Variants in KCND2 observed in about 807,000 individuals in gnomAD.
KCND2 encodes potassium voltage-gated channel subfamily D member 2, also known as A-type voltage-gated potassium channel KCND2.
KCND2 carries 16 observed loss-of-function variants against 54.4 expected under a neutral mutation model. That is an observed-to-expected ratio of 0.29 (90% CI 0.20 to 0.45). The LOEUF is 0.45. KCND2 is among the 20% of genes least tolerant of loss of function. KCND2 has a pLI of 1.00. For missense variants in KCND2, 486 were observed against 824.2 expected (o/e 0.59, Z 5.02); for synonymous variants, 317 against 310.7 (o/e 1.02, Z -0.21).
intron 1 of KCND2, among the ~76,000 whole-genome samples, chr7:120,604,632 G>T (rs999817365): frequency 2.0e-5 from 3 of 151,368 alleles, no homozygotes; most frequent in Admixed American, 6.6e-5. Context: ...AGTTAAACTG[G>T]AAACAGGTGC....
At chr7:120,342,693 T>C (rs547460920) in intron 1 of KCND2, among the ~76,000 whole-genome samples, 4 of 152,264 alleles carry the variant, frequency 2.6e-5, no homozygotes, top group African/African-American at 7.2e-5. Context: ...AGCATTATCA[T>C]TGAGTAGAAT....
intron 1 of KCND2, among the ~76,000 whole-genome samples, chr7:120,656,159 G>A (rs1231935299): frequency 6.6e-6 from 1 of 152,114 alleles, no homozygotes; most frequent in Non-Finnish European, 1.5e-5. Context: ...ACTGAAAGAA[G>A]TTTTATACTA....
chr7:120,583,007 C>T (rs1792538555), intron 1 of KCND2, among the ~76,000 whole-genome samples: 1 of 151,030 alleles, frequency 6.6e-6, no homozygotes, highest in Non-Finnish European at 1.5e-5. Context: ...ATCTTGTTTC[C>T]TCAGCTTCCC....
intron 1 of KCND2, among the ~76,000 whole-genome samples, chr7:120,514,489 A>G (rs1803167916): frequency 6.6e-6 from 1 of 152,130 alleles, no homozygotes; most frequent in Non-Finnish European, 1.5e-5. Context: ...GTTTAAACCA[A>G]ATATTATAGT....
At chr7:120,564,176 G>T (rs1277004936) in intron 1 of KCND2, among the ~76,000 whole-genome samples, 2 of 152,116 alleles carry the variant, frequency 1.3e-5, no homozygotes, top group African/African-American at 4.8e-5. Context: ...GAACCCATCA[G>T]TAATAAGGCA....
chr7:120,558,805 G>T (rs946848642), intron 1 of KCND2, among the ~76,000 whole-genome samples: 2 of 151,916 alleles, frequency 1.3e-5, no homozygotes, highest in African/African-American at 2.4e-5. Flanking sequence ...TACTCTCCTT[G>T]TCTGTGTATA....
At chr7:120,379,240 A>T (rs1800881357) in intron 1 of KCND2, among the ~76,000 whole-genome samples, 1 of 152,022 alleles carries the variant, frequency 6.6e-6, no homozygotes, top group African/African-American at 2.4e-5. Flanking sequence ...TATTTTGGTT[A>T]TTGGCATACC....
At chr7:120,720,686 T>A (rs1252153938) in intron 1 of KCND2, among the ~76,000 whole-genome samples, 1 of 152,170 alleles carries the variant, frequency 6.6e-6, no homozygotes, top group Non-Finnish European at 1.5e-5. Context: ...AGTTCCAGCC[T>A]CCATGACACT....
chr7:120,716,123 C>A (rs1342746371), intron 1 of KCND2, among the ~76,000 whole-genome samples: 1 of 152,006 alleles, frequency 6.6e-6, no homozygotes, highest in Non-Finnish European at 1.5e-5. Flanking sequence ...TGTGTCAAAT[C>A]TTCCATAATC....
chr7:120,611,230 G>A lies in KCND2; in HGVS notation c.1116-121673G>A, dbSNP rs529502062. On this transcript the variant is annotated intron_variant, in intron 1 of 5. Transcript: ENST00000331113. ...TTTGCAGATATTGTTTAATTATTAC[G>A]CATTTCATTCGTCAGTGTCTTTTTG... Among the ~76,000 whole-genome samples, 7 of 152,158 alleles carry A rather than the reference G, an allele frequency of 4.6e-5. No homozygotes were observed. In the East Asian group the frequency reaches 5.8e-4, roughly 13 times the overall value.
At chr7:120,419,263 T>C (rs1315927827) in intron 1 of KCND2, among the ~76,000 whole-genome samples, 1 of 152,130 alleles carries the variant, frequency 6.6e-6, no homozygotes, top group Non-Finnish European at 1.5e-5. Context: ...TCCTCCTCCA[T>C]TCCTCAAAGC....
At chr7:120,507,169 AAG>A (rs896320370) in intron 1 of KCND2, among the ~76,000 whole-genome samples, 37 of 152,036 alleles carry the variant, frequency 2.4e-4, no homozygotes, top group African/African-American at 7.5e-4. Flanking sequence ...ATTTTAAGGA[AAG>A]AGAGTTTTTC....
chr7:120,721,357 G>A (rs937443468), intron 1 of KCND2, among the ~76,000 whole-genome samples: 3 of 152,090 alleles, frequency 2.0e-5, no homozygotes, highest in African/African-American at 4.8e-5. Flanking sequence ...CCATTCAATC[G>A]GTGCTTTAAT....
chr7:120,677,708 A>G (rs563832773), intron 1 of KCND2, among the ~76,000 whole-genome samples: 5 of 152,128 alleles, frequency 3.3e-5, no homozygotes, highest in East Asian at 1.9e-4. Flanking sequence ...GAAATCTGTC[A>G]GTCTTTGAGA....
chr7:120,509,995 A>ATCATT (rs1803088276), intron 1 of KCND2, among the ~76,000 whole-genome samples: 1 of 152,060 alleles, frequency 6.6e-6, no homozygotes, highest in Non-Finnish European at 1.5e-5. Context: ...AAGACCCTAC[A>ATCATT]GGAAGCAATC....
chr7:120,498,969 G>A (rs1462864614), intron 1 of KCND2, among the ~76,000 whole-genome samples: 1 of 151,954 alleles, frequency 6.6e-6, no homozygotes. Context: ...GAAGATATAA[G>A]TAAAATATTA....
chr7:120,638,186 G>T (rs117682184), intron 1 of KCND2, among the ~76,000 whole-genome samples: 1 of 152,062 alleles, frequency 6.6e-6, no homozygotes, highest in Non-Finnish European at 1.5e-5. Flanking sequence ...ACATGCTCAC[G>T]AGATGTTTTT....
rs188247260 is a variant in KCND2 at position 120,749,039 on chromosome 7, T to G, written c.*1181T>G. On this transcript the variant is annotated 3_prime_UTR_variant, in exon 6 of 6. Transcript: ENST00000331113. ...TGGAAAAGCCCAGATACTGGATATA[T>G]CACTATGTATTTTATGAACAGAATT... 2.0e-5 allele frequency: 3 copies of G among 152,076 alleles called. No homozygotes were observed. Among genetic ancestry groups the G allele is most frequent in the Non-Finnish European group, 4.4e-5 (3 of 67,864 alleles). 9.4% of individuals were successfully genotyped at this position (152,076 alleles called of 1,614,324 possible). A position where few individuals can be genotyped will look rare whatever the true frequency, so the allele number is the denominator to read the frequency against.
At chr7:120,326,485 A>C (rs1799981397) in intron 1 of KCND2, among the ~76,000 whole-genome samples, 1 of 152,108 alleles carries the variant, frequency 6.6e-6, no homozygotes, top group Non-Finnish European at 1.5e-5. Flanking sequence ...AGATGTGTGT[A>C]AACATTCATG....
Sources: gnomAD v4.1 joint callset for allele counts (sites outside exome capture counted in the v4.1 genomes callset) on GRCh38, gnomAD v4.1.1 for gene constraint, MANE v1.5 for transcripts, NCBI Gene and HGNC (gene_info 2026-07-23, HGNC 2026-07-21) for gene names.